TRDN: variants seen among roughly 807,000 people sequenced by gnomAD.
TRDN encodes triadin in skeletal muscle.
TRDN carries 161 observed loss-of-function variants against 149.7 expected under a neutral mutation model. The observed-to-expected ratio is 1.08, with a 90% CI of 0.95 to 1.23. The LOEUF (loss-of-function observed/expected upper bound fraction) is 1.23, where lower values mean the gene tolerates loss of function less well. TRDN is among the 50% of genes most tolerant of loss of function. The pLI, the probability that TRDN is intolerant of heterozygous loss-of-function variation, is 0.00. For synonymous variants in TRDN, 294 were observed against 250.5 expected (o/e 1.17, Z -1.64); for missense variants, 896 against 823.5 (o/e 1.09, Z -1.08).
At chr6:123,415,156 A>G (rs1002057546) in intron 12 of TRDN, among the ~76,000 whole-genome samples, 4 of 152,210 alleles carry the variant, frequency 2.6e-5, no homozygotes, top group Admixed American at 6.5e-5. Flanking sequence ...GCTTACTACA[A>G]ATAAGGAATT....
At chr6:123,369,089 C>T (rs1781224678) in intron 19 of TRDN, among the ~76,000 whole-genome samples, 1 of 152,150 alleles carries the variant, frequency 6.6e-6, no homozygotes, top group South Asian at 2.1e-4. Flanking sequence ...TCTAAAGGAT[C>T]TTGGGAAGAA....
intron 9 of TRDN, among the ~76,000 whole-genome samples, chr6:123,483,451 C>A (rs185606497): frequency 6.6e-6 from 1 of 152,078 alleles, no homozygotes. Flanking sequence ...CCACTTCCTC[C>A]CCTATTTGGG....
intron 1 of TRDN, among the ~76,000 whole-genome samples, chr6:123,607,748 TC>T (rs1784586517): frequency 6.6e-6 from 1 of 152,206 alleles, no homozygotes; most frequent in African/African-American, 2.4e-5. Flanking sequence ...TATTAAAGCC[TC>T]TTTCCTTTAC....
intron 1 of TRDN, among the ~76,000 whole-genome samples, chr6:123,577,791 C>T (rs1782931269): frequency 6.6e-6 from 1 of 151,772 alleles, no homozygotes; most frequent in Non-Finnish European, 1.5e-5. Context: ...TTTGCGGCCT[C>T]ACATCTGTTA....
chr6:123,495,501 G>A (rs1339973904), intron 9 of TRDN, among the ~76,000 whole-genome samples: 3 of 149,362 alleles, frequency 2.0e-5, no homozygotes, highest in African/African-American at 4.9e-5. Flanking sequence ...CCTGAGTGAC[G>A]AGAGTGAGGC....
At chr6:123,614,603 TTTAAA>T (rs576315714) in intron 1 of TRDN, among the ~76,000 whole-genome samples, 4 of 151,682 alleles carry the variant, frequency 2.6e-5, no homozygotes, top group Non-Finnish European at 5.9e-5. Flanking sequence ...CTAAATTTAT[TTTAAA>T]TTAAAGTTTA....
At chr6:123,636,316 G>T (rs796444909) in intron 1 of TRDN, among the ~76,000 whole-genome samples, 12 of 152,054 alleles carry the variant, frequency 7.9e-5, no homozygotes, top group African/African-American at 2.9e-4. Context: ...AAGCAGAAAT[G>T]CTTCAAATTA....
chr6:123,423,537 G>A (rs78624012), intron 12 of TRDN, among the ~76,000 whole-genome samples: 1,755 of 152,154 alleles, frequency 0.012, 39 homozygotes, highest in East Asian at 0.079. Context: ...GAGTTTTAAA[G>A]TTGCTATAAC....
intron 1 of TRDN, among the ~76,000 whole-genome samples, chr6:123,631,163 A>G (rs1189114850): frequency 6.6e-6 from 1 of 151,566 alleles, no homozygotes; most frequent in Non-Finnish European, 1.5e-5. Flanking sequence ...AGCAGTAAAG[A>G]ATAACAAGAA....
intron 24 of TRDN, among the ~76,000 whole-genome samples, chr6:123,289,846 G>A (rs1777938422): frequency 6.6e-6 from 1 of 152,192 alleles, no homozygotes; most frequent in Admixed American, 6.5e-5. Context: ...GGGCCCCAGA[G>A]CCAGAATCAG....
chr6:123,540,292 T>C (rs1053293353), intron 4 of TRDN, among the ~76,000 whole-genome samples: 1 of 152,254 alleles, frequency 6.6e-6, no homozygotes, highest in South Asian at 2.1e-4. Flanking sequence ...TCTACTGAGT[T>C]GCTAAGGTAA....
intron 1 of TRDN, among the ~76,000 whole-genome samples, chr6:123,629,632 C>A (rs1409862778): frequency 1.3e-5 from 2 of 152,070 alleles, no homozygotes; most frequent in African/African-American, 4.8e-5. Flanking sequence ...AATATCTAAA[C>A]CACATATATT....
At chr6:123,593,717 C>T (rs1783898814) in intron 1 of TRDN, among the ~76,000 whole-genome samples, 1 of 152,128 alleles carries the variant, frequency 6.6e-6, no homozygotes, top group Non-Finnish European at 1.5e-5. Flanking sequence ...CTAATTTTAA[C>T]TTGATTACCT....
At chr6:123,272,263 T>A (rs1194261122) in intron 29 of TRDN, among the ~76,000 whole-genome samples, 1 of 151,966 alleles carries the variant, frequency 6.6e-6, no homozygotes, top group African/African-American at 2.4e-5. Flanking sequence ...CTAACTATAT[T>A]CACAAATTGG....
At chr6:123,233,263 G>A (rs887886862) in intron 38 of TRDN, among the ~76,000 whole-genome samples, 16 of 152,108 alleles carry the variant, frequency 1.1e-4, no homozygotes, top group African/African-American at 3.4e-4. Context: ...GCTCTCAGGT[G>A]TGAGAAGCTC....
intron 24 of TRDN, among the ~76,000 whole-genome samples, chr6:123,309,674 GT>G (rs1277503119): frequency 6.6e-6 from 1 of 151,226 alleles, no homozygotes; most frequent in African/African-American, 2.4e-5. Context: ...CCTATACATA[GT>G]TTTTTTTCAA....
chr6:123,324,647 A>C (rs898443941), intron 23 of TRDN, among the ~76,000 whole-genome samples: 1 of 152,166 alleles, frequency 6.6e-6, no homozygotes, highest in Non-Finnish European at 1.5e-5. Context: ...TGAATATTGG[A>C]GCTCTACACT....
chr6:123,275,350 A>G (rs536199521), intron 26 of TRDN, among the ~76,000 whole-genome samples: 1 of 152,222 alleles, frequency 6.6e-6, no homozygotes, highest in Admixed American at 6.6e-5. Context: ...ACCACGCGAT[A>G]ATAGAGGCAG....
intron 23 of TRDN, among the ~76,000 whole-genome samples, chr6:123,323,778 T>C (rs118036103): frequency 0.038 from 5,800 of 152,350 alleles, 166 homozygotes; most frequent in Non-Finnish European, 0.059. Flanking sequence ...TTGTCTTTTG[T>C]ATATGCTAAA....
Sources: allele counts gnomAD v4.1 joint callset (sites outside exome capture counted in the v4.1 genomes callset), GRCh38; gene constraint gnomAD v4.1.1; transcripts MANE v1.5; gene names NCBI Gene and HGNC (gene_info 2026-07-23, HGNC 2026-07-21).